Variants in DYNC2I1 observed in about 807,000 individuals in gnomAD.
DYNC2I1 encodes the protein cytoplasmic dynein 2 intermediate chain 1.
A neutral mutation model predicts 133.4 loss-of-function variants in DYNC2I1; 89 were observed. The ratio of observed to expected loss-of-function variants is 0.67; its 90% CI spans 0.56 to 0.80. DYNC2I1 has a LOEUF of 0.80. DYNC2I1 is among the 30% of genes least tolerant of loss of function. DYNC2I1 has a pLI of 0.00. For missense variants in DYNC2I1, 1,291 were observed against 1,314.5 expected (o/e 0.98, Z 0.28); for synonymous variants, 504 against 484.3 (o/e 1.04, Z -0.54).
rs35170585 is a variant in DYNC2I1, at chr7:158,875,091, CTTTT to C, written c.491-1501_491-1498del. Among the ~76,000 whole-genome samples, 5 of 110,562 alleles carry C rather than the reference CTTTT, an allele frequency of 4.5e-5. No individual in the cohort carries two copies. In the East Asian group the frequency reaches 8.2e-4, roughly 18 times the overall value. The allele number at this position is 110,562 out of a possible 152,430, so 72.5% of individuals were successfully genotyped here. A position where few individuals can be genotyped will look rare whatever the true frequency, so the allele number is the denominator to read the frequency against. On this transcript the variant is annotated intron_variant, in intron 3 of 24. Coordinates refer to ENST00000407559, the MANE Select transcript of DYNC2I1 (RefSeq NM_018051.5). Reference sequence around the variant, plus strand: ...AGAGTGCTCAGTGCTTGGTAAATGCCTTTTTTTTTTTTTTTTTTTTCTGAGAAGG... The same window carrying C: ...AGAGTGCTCAGTGCTTGGTAAATGCCTTTTTTTTTTTTTTTTCTGAGAAGG...
chr7:158,847,487 T>C, the DYNC2I1 span, among the ~76,000 whole-genome samples: 3 of 152,164 alleles, frequency 2.0e-5, no homozygotes, highest in Non-Finnish European at 2.9e-5. Flanking sequence ...TGGGTGGCCA[T>C]GTCGTCACCC....
chr7:158,945,717 T>C lies in DYNC2I1; in HGVS notation c.3139T>C (p.Cys1047Arg), dbSNP rs1247411869. The C allele has an allele frequency of 1.9e-6, 3 of 1,607,992 alleles. No homozygotes were observed. The highest frequency in any genetic ancestry group is 2.5e-6 in the Non-Finnish European group (3 of 1,176,828). Residue 1047 changes from cysteine (C) to arginine (R), a missense_variant, in exon 25 of 25, where the codon TGC (cysteine) becomes CGC (arginine). Physicochemically the swap from Cys to Arg is radical, Grantham distance 180. Coordinates refer to ENST00000407559, the MANE Select transcript of DYNC2I1 (RefSeq NM_018051.5). This position sits in a 1 kb window ranked among gnomAD's most constrained non-coding sequence, Gnocchi z 4.1. Reference protein sequence around the residue: ...RRWAAPEVDECNRLRLLLQEA... With the variant: ...RRWAAPEVDERNRLRLLLQEA... ...GTGGGCGGCCCCGGAGGTGGACGAG[T>C]GCAACAGGCTGCGTCTGCTTTTGCA... is the stretch of plus-strand genomic sequence containing the variant.
At chr7:158,952,507 G>A (rs776407981) in intron 4 of DYNC2I1, among the ~76,000 whole-genome samples, 1 of 152,164 alleles carries the variant, frequency 6.6e-6, no homozygotes, top group Admixed American at 6.5e-5. Context: ...CTTTAAGGAG[G>A]TGGTTTTGGT....
At chr7:158,857,262 A>T (rs868254131) in intron 1 of DYNC2I1, among the ~76,000 whole-genome samples, 1 of 152,174 alleles carries the variant, frequency 6.6e-6, no homozygotes, top group Non-Finnish European at 1.5e-5. Context: ...TTCAATGGGC[A>T]CAATAATAAT....
upstream of DYNC2I1, among the ~76,000 whole-genome samples, chr7:158,853,844 GC>G (rs532875547): frequency 4.2e-3 from 633 of 152,092 alleles, 11 homozygotes; most frequent in African/African-American, 0.014. Flanking sequence ...GTAGAGACGG[GC>G]TTTCTCCATG....
intron 1 of DYNC2I1, among the ~76,000 whole-genome samples, chr7:158,860,426 A>G (rs113933875): frequency 6.6e-6 from 1 of 152,210 alleles, no homozygotes; most frequent in African/African-American, 2.4e-5. Context: ...AGTTGCTCAC[A>G]TAATTAATCT....
At chr7:158,872,261 A>G (rs1268628598) in intron 3 of DYNC2I1, among the ~76,000 whole-genome samples, 5 of 152,138 alleles carry the variant, frequency 3.3e-5, no homozygotes, top group Admixed American at 3.3e-4. Flanking sequence ...GGCTGCAATA[A>G]GCTATGATTG....
chr7:158,938,534 A>G (rs1851005621), intron 23 of DYNC2I1, among the ~76,000 whole-genome samples: 1 of 152,170 alleles, frequency 6.6e-6, no homozygotes, highest in African/African-American at 2.4e-5. Context: ...AAGCGGGTGG[A>G]TCAGTTGAGG....
At chr7:158,888,649 T>C (rs1275278092) in intron 7 of DYNC2I1, among the ~76,000 whole-genome samples, 2 of 152,024 alleles carry the variant, frequency 1.3e-5, no homozygotes, top group Non-Finnish European at 2.9e-5. Flanking sequence ...TTTGTATTTT[T>C]AGTAGAGACA....
intron 1 of DYNC2I1, among the ~76,000 whole-genome samples, chr7:158,859,446 C>T (rs530496237): frequency 1.3e-5 from 2 of 152,056 alleles, no homozygotes; most frequent in South Asian, 2.1e-4. Context: ...TTTTTTCATT[C>T]GTTATTTTTG....
chr7:158,943,596 C>T (rs778509362), intron 24 of DYNC2I1, among the ~76,000 whole-genome samples: 4 of 152,178 alleles, frequency 2.6e-5, no homozygotes, highest in Non-Finnish European at 5.9e-5. Flanking sequence ...GTAGCACACC[C>T]CAAGGTGGGC....
chr7:158,877,607 T>C (rs1467192639), intron 4 of DYNC2I1, among the ~76,000 whole-genome samples: 2 of 152,206 alleles, frequency 1.3e-5, no homozygotes, highest in East Asian at 3.9e-4. Flanking sequence ...GCTCATTTGA[T>C]TCAGAAGAAA....
chr7:158,897,755 AATT>A (rs1234762722), intron 8 of DYNC2I1, among the ~76,000 whole-genome samples: 2 of 151,946 alleles, frequency 1.3e-5, no homozygotes, highest in African/African-American at 2.4e-5. Context: ...TTTCTGCTCT[AATT>A]ATTATTATTT....
intron 7 of DYNC2I1, among the ~76,000 whole-genome samples, chr7:158,887,609 G>T (rs922589113): frequency 2.6e-5 from 4 of 152,188 alleles, no homozygotes; most frequent in African/African-American, 9.7e-5. Flanking sequence ...AATTCCTAGA[G>T]ACTATCAGTT....
At chr7:158,948,586 G>A (rs201032200), downstream of DYNC2I1, among the ~76,000 whole-genome samples, 7 of 23,156 alleles carry the variant, frequency 3.0e-4, no homozygotes, top group African/African-American at 5.6e-3. Context: ...GCTCAGTGAA[G>A]GTGGCGCGGG....
At chr7:158,895,439 TC>T (rs1477227896) in intron 8 of DYNC2I1, among the ~76,000 whole-genome samples, 1 of 152,200 alleles carries the variant, frequency 6.6e-6, no homozygotes, top group Admixed American at 6.5e-5. Context: ...TTTTCAAAGA[TC>T]AGTTGATGTA....
chr7:158,915,912 T>A (rs1848174029), intron 14 of DYNC2I1, among the ~76,000 whole-genome samples: 1 of 124,704 alleles, frequency 8.0e-6, no homozygotes. Context: ...TTGTGAAACG[T>A]CGACACGCTG....
In DYNC2I1 at chr7:158,919,880, CG is replaced by C. The variant is rs982698339; in HGVS notation, c.1921+1012del. Among the ~76,000 whole-genome samples the C allele has an allele frequency of 1.7e-4, 25 of 146,164 alleles. No individual in the cohort carries two copies. In the East Asian group the frequency reaches 3.7e-3, roughly 22 times the overall value. On this transcript the variant is annotated intron_variant, in intron 15 of 24. Transcript: ENST00000407559. ...ACCAAGAAGGGAACCGAGTGTGCGC[CG>C]CCCCCAGGGAGCCGACACTGAGCAG...
intron 6 of DYNC2I1, among the ~76,000 whole-genome samples, chr7:158,886,210 A>C (rs2129480509): frequency 6.6e-6 from 1 of 152,196 alleles, no homozygotes; most frequent in East Asian, 1.9e-4. Flanking sequence ...GGCCCACTGT[A>C]ACCTCTACCT....
Sources: gnomAD v4.1 joint callset for allele counts (sites outside exome capture counted in the v4.1 genomes callset) on GRCh38, gnomAD v4.1.1 for gene constraint, Gnocchi (gnomAD v3.1) non-coding constraint, MANE v1.5 for transcripts, NCBI Gene and HGNC (gene_info 2026-07-23, HGNC 2026-07-21) for gene names.